The following ZNF385C variants were observed in gnomAD, a reference collection of about 807,000 sequenced individuals.
The protein encoded by ZNF385C is CTD-2132N18.2.
ZNF385C carries 28 observed loss-of-function variants against 35.4 expected under a neutral mutation model. The observed-to-expected ratio is 0.79, with a 90% CI of 0.59 to 1.08. ZNF385C has a LOEUF of 1.08. ZNF385C is among the 50% of genes least tolerant of loss of function. The pLI, the probability that ZNF385C is intolerant of heterozygous loss-of-function variation, is 0.00. For synonymous variants in ZNF385C, 248 were observed against 248.2 expected, an observed-to-expected ratio of 1.00 and a Z score of 0.01; for missense variants, 605 against 595.6, an observed-to-expected ratio of 1.02 and a Z score of -0.16.
chr17:42,078,511 A>C (rs1555659450), intron 1 of ZNF385C, among the ~76,000 whole-genome samples: 13 of 151,990 alleles, frequency 8.6e-5, no homozygotes. Context: ...CCTGCTCCTC[A>C]TGTGAGGTTG....
In ZNF385C at chr17:42,034,301, G is replaced by A. The variant is rs1301961546; in HGVS notation, c.434C>T (p.Thr145Met). ...DPVQKAVISH[T>M]FGVPSPLKKK... ...CTTCAGAGGGGAGGGGACACCAAAC[G>A]TGTGGCTGATGACAGCTTTCTGGAC... The change falls in exon 4 of 9, where the codon ACG (threonine) becomes ATG (methionine). Residue 145 changes from threonine (T) to methionine (M), a missense_variant. By Grantham distance (81) the Thr-to-Met change is moderately conservative (BLOSUM62 -1). Transcript: ENST00000692273. The A allele has an allele frequency of 1.9e-6, 3 of 1,550,502 alleles. No homozygotes were observed. Among genetic ancestry groups the A allele is most frequent in the African/African-American group, 1.4e-5 (1 of 73,040 alleles).
intron 2 of ZNF385C, among the ~76,000 whole-genome samples, chr17:42,058,712 G>T (rs2053417125): frequency 6.6e-6 from 1 of 152,222 alleles, no homozygotes; most frequent in Non-Finnish European, 1.5e-5. Flanking sequence ...CTAGAGCGCA[G>T]TGGCGTGATC....
intron 1 of ZNF385C, among the ~76,000 whole-genome samples, chr17:42,088,715 C>T (rs926456887): frequency 6.6e-6 from 1 of 152,242 alleles, no homozygotes; most frequent in African/African-American, 2.4e-5. Flanking sequence ...GAGCTCCAAG[C>T]TGCCTCAAAT....
intron 1 of ZNF385C, among the ~76,000 whole-genome samples, chr17:42,069,344 C>T (rs560017989): frequency 1.3e-5 from 2 of 152,286 alleles, no homozygotes; most frequent in Admixed American, 1.3e-4. Context: ...GACAAATGCA[C>T]GTGAGGTCCC....
At position 42,090,696 on chromosome 17, in the gene ZNF385C, C is replaced by G. The variant is rs377249061; in HGVS notation, c.-3+7714G>C. On this transcript the variant is annotated intron_variant, in intron 1 of 8. Transcript: ENST00000692273. ...GATCACGAGGTCAGGAGATCGAGAC[C>G]ATGGTGAAACCCCATCTCTACTAAA... is the stretch of plus-strand genomic sequence containing the variant. Among the ~76,000 whole-genome samples, 479 of 151,844 alleles carry G rather than the reference C, an allele frequency of 3.2e-3. 4 individuals are homozygous for G. Among genetic ancestry groups the G allele is most frequent in the South Asian group, 0.014 (69 of 4,804 alleles).
At chr17:42,060,012 ACCGTTG>A (rs1325711983) in intron 2 of ZNF385C, among the ~76,000 whole-genome samples, 3 of 152,122 alleles carry the variant, frequency 2.0e-5, no homozygotes, top group African/African-American at 7.2e-5. Context: ...TACCACAGGG[ACCGTTG>A]CCCAGGAAGT....
rs376341389 is a variant in ZNF385C, at chr17:42,041,324, G to T, written c.251-3439C>A. On this transcript the variant is annotated intron_variant, in intron 2 of 8. Transcript: ENST00000692273. ...AGACTTAGGGACTAATCCTGGCTTTGCCACTTACTGGCTGTGCTACCTTCG... is the reference window on the plus strand; with the variant it reads ...AGACTTAGGGACTAATCCTGGCTTTTCCACTTACTGGCTGTGCTACCTTCG... The T allele has an allele frequency of 4.4e-5, 32 of 735,058 alleles. No homozygotes were observed. The East Asian group carries it at 5.8e-4, about 13-fold the overall frequency. The allele number at this position is 735,058 out of a possible 1,614,324, so 45.5% of individuals were successfully genotyped here.
In ZNF385C at chr17:42,026,862, C is replaced by T. The variant is rs1555654223; in HGVS notation, c.*35G>A. 2 of 1,551,042 alleles carry T rather than the reference C, an allele frequency of 1.3e-6. No individual in the cohort carries two copies. The highest frequency in any genetic ancestry group is 1.9e-5 in the Admixed American group (1 of 51,604). On this transcript the variant is annotated 3_prime_UTR_variant, in exon 9 of 9. Transcript: ENST00000692273. ...CAGGACAGGAGGAGACAAGGAGTGG[C>T]TATTGGGAAATCAGCTCTGGCCTCC...
intron 2 of ZNF385C, among the ~76,000 whole-genome samples, chr17:42,042,336 A>G (rs1257737070): frequency 2.6e-5 from 4 of 152,220 alleles, no homozygotes; most frequent in Non-Finnish European, 4.4e-5. Context: ...GGCCTGGCCA[A>G]CATGGTGATA....
chr17:42,055,987 C>T (rs186926886), intron 2 of ZNF385C, among the ~76,000 whole-genome samples: 1 of 152,312 alleles, frequency 6.6e-6, no homozygotes, highest in East Asian at 1.9e-4. Flanking sequence ...CTTCTTGGCC[C>T]TGAAATCCAC....
intron 8 of ZNF385C, 55 bp downstream of exon 8, chr17:42,027,563 G>GCC: frequency 4.1e-6 from 1 of 245,650 alleles, no homozygotes; most frequent in Non-Finnish European, 8.0e-6. Flanking sequence ...GGCCCTCCCA[G>GCC]CCCACCCTCT....
chr17:42,084,618 A>AT (rs1304898465), intron 1 of ZNF385C, among the ~76,000 whole-genome samples: 1 of 151,848 alleles, frequency 6.6e-6, no homozygotes, highest in Admixed American at 6.6e-5. Context: ...ATTTTATTTT[A>AT]TTTTTTCTTG....
chr17:42,040,041 A>G (rs1393283773), intron 2 of ZNF385C: 3 of 1,230,976 alleles, frequency 2.4e-6, no homozygotes, highest in Non-Finnish European at 3.0e-6. Context: ...CTACGCGCTT[A>G]AACAGCGCGA....
intron 1 of ZNF385C, among the ~76,000 whole-genome samples, chr17:42,072,141 C>A (rs1273877872): frequency 6.6e-6 from 1 of 152,204 alleles, no homozygotes; most frequent in African/African-American, 2.4e-5. Flanking sequence ...CCTACCCCTT[C>A]CCTTCTATTC....
At chr17:42,090,323 G>C (rs1158644093) in intron 1 of ZNF385C, among the ~76,000 whole-genome samples, 1 of 112,230 alleles carries the variant, frequency 8.9e-6, no homozygotes, top group African/African-American at 3.5e-5. Flanking sequence ...GTCTCGTTCT[G>C]TCGCCCAGGC....
At chr17:42,079,523 G>T (rs768381787) in intron 1 of ZNF385C, among the ~76,000 whole-genome samples, 1 of 150,520 alleles carries the variant, frequency 6.6e-6, no homozygotes, top group Non-Finnish European at 1.5e-5. Flanking sequence ...AAAATTAGTT[G>T]ACCATGGTGG....
intron 1 of ZNF385C, among the ~76,000 whole-genome samples, chr17:42,096,101 C>A (rs2053914720): frequency 6.6e-6 from 1 of 152,184 alleles, no homozygotes; most frequent in African/African-American, 2.4e-5. Context: ...GGCCACCCCC[C>A]TTCCTGCTGC....
chr17:42,028,043 C>T lies in ZNF385C; in HGVS notation c.1164+7G>A, dbSNP rs1315634989. On this transcript the variant is annotated splice_region_variant and intron_variant, in intron 7 of 8. Transcript: ENST00000692273. Reference sequence around the variant, plus strand: ...TCCAACCCCAGTCACAGCCTCACTTCTCCCACCTGCTTCAGTTGGGTCTCT... The same window carrying T: ...TCCAACCCCAGTCACAGCCTCACTTTTCCCACCTGCTTCAGTTGGGTCTCT... The T allele has an allele frequency of 2.5e-6, 4 of 1,594,328 alleles. No homozygotes were observed. Among genetic ancestry groups the T allele is most frequent in the Non-Finnish European group, 3.4e-6 (4 of 1,167,676 alleles).
At chr17:42,083,041 C>A (rs893306696) in intron 1 of ZNF385C, among the ~76,000 whole-genome samples, 7 of 151,978 alleles carry the variant, frequency 4.6e-5, no homozygotes, top group African/African-American at 1.7e-4. Flanking sequence ...TGCGTCACTG[C>A]ACTCCAGCAT....
Sources: gnomAD v4.1 joint callset for allele counts (sites outside exome capture counted in the v4.1 genomes callset) on GRCh38, gnomAD v4.1.1 for gene constraint, MANE v1.5 for transcripts, NCBI Gene and HGNC (gene_info 2026-07-23, HGNC 2026-07-21) for gene names.